The following ROBO1 variants were observed in gnomAD, a reference collection of about 807,000 sequenced individuals.
ROBO1 encodes the protein roundabout guidance receptor 1.
A neutral mutation model predicts 195.9 loss-of-function variants in ROBO1; 149 were observed. The ratio of observed to expected loss-of-function variants is 0.76; its 90% CI spans 0.67 to 0.87. The LOEUF is 0.87. ROBO1 is among the 40% of genes least tolerant of loss of function. The pLI, the probability that ROBO1 is intolerant of heterozygous loss-of-function variation, is 0.00. For synonymous variants in ROBO1, 816 were observed against 733.2 expected, an observed-to-expected ratio of 1.11 and a Z score of -1.82; for missense variants, 1,933 against 2,068.3, an observed-to-expected ratio of 0.93 and a Z score of 1.27.
At chr3:78,884,473 C>T (rs540763260) in intron 4 of ROBO1, among the ~76,000 whole-genome samples, 3 of 151,352 alleles carry the variant, frequency 2.0e-5, no homozygotes, top group East Asian at 1.9e-4. Flanking sequence ...TAAAAATCAG[C>T]GAGGCATGGT....
intron 1 of ROBO1, among the ~76,000 whole-genome samples, chr3:79,742,580 T>C (rs931620511): frequency 6.6e-6 from 1 of 152,296 alleles, no homozygotes; most frequent in Middle Eastern, 3.4e-3. Context: ...TCTGCCATGA[T>C]TGTAAATTTC....
chr3:78,707,551 T>C (rs1199040242), intron 8 of ROBO1, among the ~76,000 whole-genome samples: 1 of 152,218 alleles, frequency 6.6e-6, no homozygotes, highest in Non-Finnish European at 1.5e-5. Flanking sequence ...TACTGTATTT[T>C]ATAGTTAAAA....
At chr3:79,557,745 T>A (rs4324438) in intron 2 of ROBO1, among the ~76,000 whole-genome samples, 5,898 of 106,254 alleles carry the variant, frequency 0.056, 271 homozygotes, top group East Asian at 0.087. Context: ...CAAAAAAAAA[T>A]ATATATATAT....
chr3:78,669,537 T>G (rs1289549183), intron 11 of ROBO1, among the ~76,000 whole-genome samples: 1 of 152,158 alleles, frequency 6.6e-6, no homozygotes, highest in African/African-American at 2.4e-5. Flanking sequence ...AGAGCAGGCA[T>G]GGGATATGAT....
At chr3:79,035,684 CTG>C (rs1205228629) in intron 3 of ROBO1, among the ~76,000 whole-genome samples, 3 of 151,422 alleles carry the variant, frequency 2.0e-5, no homozygotes, top group African/African-American at 7.3e-5. Flanking sequence ...TGAGCCAAGA[CTG>C]TGCAACTGCA....
At chr3:78,633,883 T>C (rs1705326960) in intron 24 of ROBO1, 52 bp downstream of exon 24, 2 of 1,245,484 alleles carry the variant, frequency 1.6e-6, no homozygotes, top group South Asian at 2.5e-5. Flanking sequence ...ATTTGTAATC[T>C]TGGAAAGTAC....
At chr3:78,680,525 C>T (rs1367764079) in intron 10 of ROBO1, among the ~76,000 whole-genome samples, 7 of 151,928 alleles carry the variant, frequency 4.6e-5, no homozygotes, top group Admixed American at 1.3e-4. Flanking sequence ...GGGCGAAGGA[C>T]ATGAACAGAC....
rs554758591 is a variant in ROBO1 at position 78,988,185 on chromosome 3, C to T, written c.173-49258G>A. Among the ~76,000 whole-genome samples the T allele has an allele frequency of 2.1e-4, 32 of 152,174 alleles. No individual in the cohort carries two copies. In the South Asian group the frequency reaches 2.7e-3, roughly 13 times the overall value. ...TGAGTGGACTTTAAAATCTTGCTCTCTCTCTTTTTCTCTCATTCTTTTACA... is the reference window on the plus strand; with the variant it reads ...TGAGTGGACTTTAAAATCTTGCTCTTTCTCTTTTTCTCTCATTCTTTTACA... On this transcript the variant is annotated intron_variant, in intron 3 of 30. Coordinates refer to ENST00000464233, the MANE Select transcript of ROBO1 (RefSeq NM_002941.4).
At chr3:78,662,180 T>G in intron 14 of ROBO1, 66 bp from the exon 15 acceptor site, 1 of 1,463,434 alleles carries the variant, frequency 6.8e-7, no homozygotes, top group Non-Finnish European at 9.2e-7. Context: ...GAAAGCATGG[T>G]GAAACAAACT....
intron 2 of ROBO1, among the ~76,000 whole-genome samples, chr3:79,560,726 G>T (rs1942887629): frequency 6.6e-6 from 1 of 151,654 alleles, no homozygotes; most frequent in Non-Finnish European, 1.5e-5. Flanking sequence ...TCATCAACAA[G>T]AAATGTAGCA....
chr3:78,889,794 A>G (rs933126596), intron 4 of ROBO1, among the ~76,000 whole-genome samples: 13 of 152,182 alleles, frequency 8.5e-5, no homozygotes, highest in African/African-American at 3.1e-4. Context: ...AAAAATTAAC[A>G]ATTATAATAC....
At chr3:78,945,546 A>G (rs2040386187) in intron 3 of ROBO1, among the ~76,000 whole-genome samples, 1 of 152,270 alleles carries the variant, frequency 6.6e-6, no homozygotes, top group East Asian at 1.9e-4. Flanking sequence ...GACCAAAGGT[A>G]GATAAAACCA....
In ROBO1 at chr3:79,756,396, A is replaced by G. The variant is rs139292570; in HGVS notation, c.-51+11356T>C. ...GAAACCCTGTCTCTACTAAAAATAC[A>G]AAATTAGCCAGGTGTGGTGGCGCAT... On this transcript the variant is annotated intron_variant, in intron 1 of 30. Coordinates refer to ENST00000464233, the MANE Select transcript of ROBO1 (RefSeq NM_002941.4). Among the ~76,000 whole-genome samples the G allele has an allele frequency of 6.6e-3, 1,005 of 152,092 alleles. 11 individuals are homozygous for G. The highest frequency in any genetic ancestry group is 0.014 in the Middle Eastern group (4 of 294).
intron 3 of ROBO1, among the ~76,000 whole-genome samples, chr3:79,026,243 G>GA (rs1347643284): frequency 2.0e-5 from 3 of 151,826 alleles, no homozygotes; most frequent in Non-Finnish European, 4.4e-5. Flanking sequence ...TAATCCTCAG[G>GA]AAAAAATATT....
At chr3:79,205,495 G>A (rs1320219487) in intron 2 of ROBO1, among the ~76,000 whole-genome samples, 3 of 152,028 alleles carry the variant, frequency 2.0e-5, no homozygotes, top group Non-Finnish European at 4.4e-5. Flanking sequence ...AATAAGATGG[G>A]GCTAACTAAA....
chr3:79,519,047 TTA>T (rs1941079407), intron 2 of ROBO1, among the ~76,000 whole-genome samples: 1 of 152,060 alleles, frequency 6.6e-6, no homozygotes, highest in Admixed American at 6.6e-5. Flanking sequence ...TGGTGGCCAG[TTA>T]TTAATAGCTG....
At chr3:79,736,251 A>C (rs1161959090) in intron 1 of ROBO1, among the ~76,000 whole-genome samples, 1 of 152,232 alleles carries the variant, frequency 6.6e-6, no homozygotes, top group East Asian at 1.9e-4. Flanking sequence ...AAGGATAGAG[A>C]GCAGGCTACT....
chr3:78,857,112 T>TA (rs1345980253), intron 4 of ROBO1, among the ~76,000 whole-genome samples: 41 of 152,292 alleles, frequency 2.7e-4, no homozygotes, highest in African/African-American at 9.1e-4. Flanking sequence ...ATGACATTTA[T>TA]TCACACAATA....
chr3:79,355,167 A>AAAACAAAC (rs576902546), intron 2 of ROBO1, among the ~76,000 whole-genome samples: 11 of 152,094 alleles, frequency 7.2e-5, no homozygotes, highest in East Asian at 3.9e-4. Context: ...CTCGGTCTCA[A>AAAACAAAC]AAACAAACAA....
Sources: allele counts gnomAD v4.1 joint callset (sites outside exome capture counted in the v4.1 genomes callset), GRCh38; gene constraint gnomAD v4.1.1; transcripts MANE v1.5; gene names NCBI Gene and HGNC (gene_info 2026-07-23, HGNC 2026-07-21).